AGPAT1: variants seen among roughly 807,000 people sequenced by gnomAD.
AGPAT1 encodes the protein 1-acyl-sn-glycerol-3-phosphate acyltransferase alpha.
AGPAT1 carries 6 observed loss-of-function variants against 31.2 expected under a neutral mutation model. The observed-to-expected ratio is 0.19, with a 90% CI of 0.11 to 0.38. The LOEUF is 0.38. Ranked by LOEUF, AGPAT1 falls within the 10% of genes least tolerant of loss-of-function variation. The probability of loss-of-function intolerance (pLI) is 1.00; values close to 1 mark genes in which losing one functional copy is unlikely to be tolerated. For missense variants in AGPAT1, 187 were observed against 377.8 expected (o/e 0.49, Z 4.19); for synonymous variants, 139 against 154.0 (o/e 0.90, Z 0.72).
In AGPAT1 at chr6:32,175,826, G is replaced by A; in HGVS notation, c.-22C>T. On this transcript the variant is annotated 5_prime_UTR_variant, in exon 1 of 7. Coordinates refer to ENST00000375107, the MANE Select transcript of AGPAT1 (RefSeq NM_006411.4). This position sits in a 1 kb window ranked among gnomAD's most constrained non-coding sequence, Gnocchi z 4.5. Reference sequence around the variant, plus strand: ...TTCCCGCCCACACCTCAGAGGGGTAGGGGGCCTGGGGGGCTGGCCCCCTCC... The same window carrying A: ...TTCCCGCCCACACCTCAGAGGGGTAAGGGGCCTGGGGGGCTGGCCCCCTCC... 1 of 985,866 alleles carries A rather than the reference G, an allele frequency of 1.0e-6. No homozygotes were observed. The allele number at this position is 985,866 out of a possible 1,614,324, so 61.1% of individuals were successfully genotyped here.
In AGPAT1 at chr6:32,169,734, C is replaced by G. The variant is rs964609679; in HGVS notation, c.679+232G>C. 1.3e-5 allele frequency among the ~76,000 whole-genome samples: 2 copies of G among 152,148 alleles called. No individual in the cohort carries two copies. The highest frequency in any genetic ancestry group is 4.8e-5 in the African/African-American group (2 of 41,412). On this transcript the variant is annotated intron_variant, in intron 6 of 6. Coordinates refer to ENST00000375107, the MANE Select transcript of AGPAT1 (RefSeq NM_006411.4). The surrounding 1 kb of genome is among the most constrained non-coding windows in gnomAD (Gnocchi z 5.9). ...TTCATTACAGCTTTGTGCACACAGG[C>G]CTTATCTTTCCTGTTAAGATTAGTA...
Position 32,170,660 on chromosome 6 carries a change from C to T in AGPAT1, c.335-60G>A, listed in dbSNP as rs1436767201. ...GGAGGCAGAGTGTCACAGAAGGCAA[C>T]CCACCTCACCCAGCTCATCACCCTC... On this transcript the variant is annotated intron_variant, in intron 3 of 6. Coordinates refer to ENST00000375107, the MANE Select transcript of AGPAT1 (RefSeq NM_006411.4). This position sits in a 1 kb window ranked among gnomAD's most constrained non-coding sequence, Gnocchi z 7.7. 6.4e-7 allele frequency: 1 copy of T among 1,563,124 alleles called. No individual in the cohort carries two copies. Among genetic ancestry groups the T allele is most frequent in the Non-Finnish European group, 8.7e-7 (1 of 1,146,360 alleles).
chr6:32,171,336 G>A lies in AGPAT1; in HGVS notation c.161C>T (p.Pro54Leu). 1 of 1,613,166 alleles carries A rather than the reference G, an allele frequency of 6.2e-7. No individual in the cohort carries two copies. The highest frequency in any genetic ancestry group is 8.5e-7 in the Non-Finnish European group (1 of 1,180,044). Reference sequence around the variant, plus strand: ...GTTGCGTCCTCGCACGGCACACACAGGGATGGCGAGCACAGCCAGGAAGAG... The same window carrying A: ...GTTGCGTCCTCGCACGGCACACACAAGGATGGCGAGCACAGCCAGGAAGAG... ...WILFLAVLAI[P>L]VCAVRGRNVE... is the part of the protein sequence containing the mutation. Residue 54 changes from proline to leucine, a missense_variant, in exon 2 of 7, where the codon CCT becomes CTT. Pro to Leu is a moderately conservative substitution (Grantham distance 98). Around this residue, in one of 3 missense-constraint regions of AGPAT1, gnomAD observed 45 missense variants for 60.9 expected, o/e 0.74. Transcript: ENST00000375107. This position sits in a 1 kb window ranked among gnomAD's most constrained non-coding sequence, Gnocchi z 6.9.
At position 32,175,989 on chromosome 6, in the gene AGPAT1, C is replaced by G. The variant is rs895825422; in HGVS notation, c.-185G>C. The G allele has an allele frequency of 3.9e-5, 38 of 985,408 alleles. No individual in the cohort carries two copies. In the African/African-American group the frequency reaches 6.5e-4, roughly 17 times the overall value. 61.0% of individuals were successfully genotyped at this position (985,408 alleles called of 1,614,324 possible). A position where few individuals can be genotyped will look rare whatever the true frequency, so the allele number is the denominator to read the frequency against. Reference sequence around the variant, plus strand: ...GGGGAGGTGGGAGTGGGAGGTTGGGCCCATAGCGGTAGGAATGGTGGGGGG... The same window carrying G: ...GGGGAGGTGGGAGTGGGAGGTTGGGGCCATAGCGGTAGGAATGGTGGGGGG... On this transcript the variant is annotated 5_prime_UTR_variant, in exon 1 of 7. Transcript: ENST00000375107. The surrounding 1 kb of genome is among the most constrained non-coding windows in gnomAD (Gnocchi z 4.5).
rs747789210 is a variant in AGPAT1 at position 32,170,090 on chromosome 6, C to T, written c.607-52G>A. 1.9e-6 allele frequency: 3 copies of T among 1,609,902 alleles called. No individual in the cohort carries two copies. The South Asian group carries it at 3.3e-5, about 18-fold the overall frequency. ...CCACAGCTCTCTTCAGAGACTCCTA[C>T]AATAAGCCCCTGCCCAGAGATGAGG... On this transcript the variant is annotated intron_variant, in intron 5 of 6. Coordinates refer to ENST00000375107, the MANE Select transcript of AGPAT1 (RefSeq NM_006411.4). This position sits in a 1 kb window ranked among gnomAD's most constrained non-coding sequence, Gnocchi z 7.7.
rs934332998 is a variant in AGPAT1, at chr6:32,175,385, G to A, written c.-10+429C>T. On this transcript the variant is annotated intron_variant, in intron 1 of 6. Coordinates refer to ENST00000375107, the MANE Select transcript of AGPAT1 (RefSeq NM_006411.4). This position sits in a 1 kb window ranked among gnomAD's most constrained non-coding sequence, Gnocchi z 4.5. ...TGTGTCAGTAAGGGTCTAGCAGTGT[G>A]GAAGGCCACTGAGAAACAAGAGGTC... Among the ~76,000 whole-genome samples the A allele has an allele frequency of 3.0e-4, 45 of 152,132 alleles. No homozygotes were observed. The highest frequency in any genetic ancestry group is 1.0e-3 in the African/African-American group (42 of 41,412).
At position 32,168,303 on chromosome 6, in the gene AGPAT1, T is replaced by G. The variant is rs547338058; in HGVS notation, c.*973A>C. On this transcript the variant is annotated 3_prime_UTR_variant, in exon 7 of 7. Coordinates refer to ENST00000375107, the MANE Select transcript of AGPAT1 (RefSeq NM_006411.4). This position sits in a 1 kb window ranked among gnomAD's most constrained non-coding sequence, Gnocchi z 4.5. ...AAAACTGGGTCCCACCCTCTCCTTT[T>G]GCTCCCAGCCTACCTCCCCAGTTGT... 3.5e-6 allele frequency: 1 copy of G among 283,188 alleles called. No individual in the cohort carries two copies. The highest frequency in any genetic ancestry group is 6.5e-5 in the East Asian group (1 of 15,316). The allele number at this position is 283,188 out of a possible 1,614,324, so 17.5% of individuals were successfully genotyped here.
chr6:32,169,840 G>T lies in AGPAT1; in HGVS notation c.679+126C>A. On this transcript the variant is annotated intron_variant, in intron 6 of 6. Coordinates refer to ENST00000375107, the MANE Select transcript of AGPAT1 (RefSeq NM_006411.4). The surrounding 1 kb of genome is among the most constrained non-coding windows in gnomAD (Gnocchi z 5.9). The stretch of plus-strand genomic sequence containing the variant: ...TTAGTAAAGACTTATTGGCTGATGT[G>T]GGGTTAGACTAGATGACTGTGTAGA... 1.2e-6 allele frequency: 1 copy of T among 862,716 alleles called. No homozygotes were observed. Among genetic ancestry groups the T allele is most frequent in the East Asian group, 2.6e-5 (1 of 38,186 alleles). 53.4% of individuals were successfully genotyped at this position (862,716 alleles called of 1,614,324 possible). A position where few individuals can be genotyped will look rare whatever the true frequency, so the allele number is the denominator to read the frequency against.
At chr6:32,177,865 A>G (rs1235037805), upstream of AGPAT1, 1 of 152,330 alleles carries the variant, frequency 6.6e-6, no homozygotes, top group African/African-American at 2.4e-5. Flanking sequence ...TAGGACTTTG[A>G]AGTGCAAGCC....
rs1785463555 is a variant in AGPAT1 at position 32,175,532 on chromosome 6, G to A, written c.-10+282C>T. 6.6e-6 allele frequency among the ~76,000 whole-genome samples: 1 copy of A among 152,106 alleles called. No homozygotes were observed. Among genetic ancestry groups the A allele is most frequent in the African/African-American group, 2.4e-5 (1 of 41,402 alleles). On this transcript the variant is annotated intron_variant, in intron 1 of 6. Coordinates refer to ENST00000375107, the MANE Select transcript of AGPAT1 (RefSeq NM_006411.4). The surrounding 1 kb of genome is among the most constrained non-coding windows in gnomAD (Gnocchi z 4.5). Reference sequence around the variant, plus strand: ...TCAAAGGGCAAGAAAAGGAATTGGGGAAGGTGTAGGGAATTCCCTCTCCAG... The same window carrying A: ...TCAAAGGGCAAGAAAAGGAATTGGGAAAGGTGTAGGGAATTCCCTCTCCAG...
rs1373851668 is a variant in AGPAT1 at position 32,171,351 on chromosome 6, G to T, written c.146C>A (p.Ala49Asp). Reference sequence around the variant, plus strand: ...GGCACACACAGGGATGGCGAGCACAGCCAGGAAGAGGATCCAGCCATTGTA... The same window carrying T: ...GGCACACACAGGGATGGCGAGCACATCCAGGAAGAGGATCCAGCCATTGTA... ...AFYNGWILFL[A>D]VLAIPVCAVR... The change falls in exon 2 of 7, where the codon GCT becomes GAT. Residue 49 changes from alanine to aspartate, a missense_variant. Coordinates refer to ENST00000375107, the MANE Select transcript of AGPAT1 (RefSeq NM_006411.4). This position sits in a 1 kb window ranked among gnomAD's most constrained non-coding sequence, Gnocchi z 6.9. 1 of 1,613,050 alleles carries T rather than the reference G, an allele frequency of 6.2e-7. No individual in the cohort carries two copies. The highest frequency in any genetic ancestry group is 8.5e-7 in the Non-Finnish European group (1 of 1,180,054).
Position 32,170,877 on chromosome 6 carries a change from G to A in AGPAT1, c.334+60C>T, listed in dbSNP as rs377640445. On this transcript the variant is annotated intron_variant, in intron 3 of 6. Coordinates refer to ENST00000375107, the MANE Select transcript of AGPAT1 (RefSeq NM_006411.4). This position sits in a 1 kb window ranked among gnomAD's most constrained non-coding sequence, Gnocchi z 7.7. Reference sequence around the variant, plus strand: ...AGGATCTCTAGGAGAAGATATTCTAGGGAAGGTTTCAGGAGGGGAGGCATG... The same window carrying A: ...AGGATCTCTAGGAGAAGATATTCTAAGGAAGGTTTCAGGAGGGGAGGCATG... 1.9e-6 allele frequency: 3 copies of A among 1,570,092 alleles called. No homozygotes were observed. Among genetic ancestry groups the A allele is most frequent in the Non-Finnish European group, 2.6e-6 (3 of 1,151,534 alleles).
chr6:32,174,460 G>A lies in AGPAT1; in HGVS notation c.-10+1354C>T, dbSNP rs948729118. ...GGTCATCTCACAAGAGAAATGTACC[G>A]AATGGGATCAAGATGCCACAGGGAA... On this transcript the variant is annotated intron_variant, in intron 1 of 6. Transcript: ENST00000375107. The surrounding 1 kb of genome is among the most constrained non-coding windows in gnomAD (Gnocchi z 4.5). Among the ~76,000 whole-genome samples, 14 of 152,208 alleles carry A rather than the reference G, an allele frequency of 9.2e-5. No individual in the cohort carries two copies. Among genetic ancestry groups the A allele is most frequent in the South Asian group, 2.1e-4 (1 of 4,830 alleles).
At position 32,175,594 on chromosome 6, in the gene AGPAT1, G is replaced by T. The variant is rs899442710; in HGVS notation, c.-10+220C>A. On this transcript the variant is annotated intron_variant, in intron 1 of 6. Transcript: ENST00000375107. The surrounding 1 kb of genome is among the most constrained non-coding windows in gnomAD (Gnocchi z 4.5). ...CACGCTCCCAGTCCCAAATTCACAA[G>T]GGTTTCCATTTCTCCTCCCTCCCAG... Among the ~76,000 whole-genome samples, 1 of 152,012 alleles carries T rather than the reference G, an allele frequency of 6.6e-6. No homozygotes were observed. Among genetic ancestry groups the T allele is most frequent in the Non-Finnish European group, 1.5e-5 (1 of 67,970 alleles).
rs573557569 is a variant in AGPAT1, at chr6:32,175,729, C to T, written c.-10+85G>A. On this transcript the variant is annotated intron_variant, in intron 1 of 6. Transcript: ENST00000375107. The surrounding 1 kb of genome is among the most constrained non-coding windows in gnomAD (Gnocchi z 4.5). ...CAACCCTCTCCCCCAGTCGGCCCTC[C>T]CAGACCCAATCTCTCCCCTTCCCCT... 1 of 785,584 alleles carries T rather than the reference C, an allele frequency of 1.3e-6. No individual in the cohort carries two copies. The highest frequency in any genetic ancestry group is 1.9e-5 in the African/African-American group (1 of 53,460). The allele number at this position is 785,584 out of a possible 1,614,324, so 48.7% of individuals were successfully genotyped here. A position where few individuals can be genotyped will look rare whatever the true frequency, so the allele number is the denominator to read the frequency against.
chr6:32,175,458 AAATTCTGCTGGCC>A lies in AGPAT1; in HGVS notation c.-10+343_-10+355del, dbSNP rs947905535. Among the ~76,000 whole-genome samples, 1 of 152,150 alleles carries A rather than the reference AAATTCTGCTGGCC, an allele frequency of 6.6e-6. No homozygotes were observed. The highest frequency in any genetic ancestry group is 1.5e-5 in the Non-Finnish European group (1 of 68,020). On this transcript the variant is annotated intron_variant, in intron 1 of 6. Coordinates refer to ENST00000375107, the MANE Select transcript of AGPAT1 (RefSeq NM_006411.4). The surrounding 1 kb of genome is among the most constrained non-coding windows in gnomAD (Gnocchi z 4.5). Reference sequence around the variant, plus strand: ...GCACCTAAGGGTATTCCTAAGAGGCAAATTCTGCTGGCCTTCTCCCCTCATGACCCTTCAAGAG... The same window carrying A: ...GCACCTAAGGGTATTCCTAAGAGGCATTCTCCCCTCATGACCCTTCAAGAG...
chr6:32,169,039 G>T lies in AGPAT1; in HGVS notation c.*237C>A. On this transcript the variant is annotated 3_prime_UTR_variant, in exon 7 of 7. Coordinates refer to ENST00000375107, the MANE Select transcript of AGPAT1 (RefSeq NM_006411.4). The surrounding 1 kb of genome is among the most constrained non-coding windows in gnomAD (Gnocchi z 5.9). ...CAACTGTCCCACAGACAAGACAGTAGGAGGTGGGGGTCAAGAGTGGAGACT... is the reference window on the plus strand; with the variant it reads ...CAACTGTCCCACAGACAAGACAGTATGAGGTGGGGGTCAAGAGTGGAGACT... 1.8e-6 allele frequency: 1 copy of T among 566,258 alleles called. No individual in the cohort carries two copies. Among genetic ancestry groups the T allele is most frequent in the Non-Finnish European group, 3.1e-6 (1 of 318,042 alleles). The allele number at this position is 566,258 out of a possible 1,614,324, so 35.1% of individuals were successfully genotyped here. A position where few individuals can be genotyped will look rare whatever the true frequency, so the allele number is the denominator to read the frequency against.
In AGPAT1 at chr6:32,171,377, G is replaced by A. The variant is rs1399671981; in HGVS notation, c.120C>T (p.Phe40=). ...CCAGGAAGAGGATCCAGCCATTGTAGAAGGCCATCTTGAAGAAGTACTTGG... is the reference window on the plus strand; with the variant it reads ...CCAGGAAGAGGATCCAGCCATTGTAAAAGGCCATCTTGAAGAAGTACTTGG... The part of the protein sequence containing the change: ...PSAKYFFKMA[F]YNGWILFLAV... Residue 40 remains phenylalanine, a synonymous_variant, in exon 2 of 7, where the codon TTC becomes TTT. Coordinates refer to ENST00000375107, the MANE Select transcript of AGPAT1 (RefSeq NM_006411.4). The surrounding 1 kb of genome is among the most constrained non-coding windows in gnomAD (Gnocchi z 6.9). 1.2e-5 allele frequency: 19 copies of A among 1,613,206 alleles called. No homozygotes were observed. Among genetic ancestry groups the A allele is most frequent in the East Asian group, 2.2e-5 (1 of 44,870 alleles).
upstream of AGPAT1, chr6:32,176,100 C>A (rs2127423667): frequency 1.0e-6 from 1 of 985,626 alleles, no homozygotes; most frequent in African/African-American, 1.7e-5. Context: ...CCCGCCACCC[C>A]TCCCCAACGC....
Sources: gnomAD v4.1 joint callset for allele counts (sites outside exome capture counted in the v4.1 genomes callset) on GRCh38, gnomAD v4.1.1 for gene constraint, gnomAD v4.1.1 regional missense constraint, Gnocchi (gnomAD v3.1) non-coding constraint, MANE v1.5 for transcripts, NCBI Gene and HGNC (gene_info 2026-07-23, HGNC 2026-07-21) for gene names.